The following KCTD8 variants were observed in gnomAD, a reference collection of about 807,000 sequenced individuals.
KCTD8 encodes potassium channel tetramerization domain containing 8.
Under a neutral mutation model 31.5 loss-of-function variants are expected in KCTD8, and 27 were observed. That is an observed-to-expected ratio of 0.86 (90% CI 0.63 to 1.18). The LOEUF is 1.18. Ranked by LOEUF, KCTD8 falls within the 50% of genes most tolerant of loss-of-function variation. The pLI, the probability that KCTD8 is intolerant of heterozygous loss-of-function variation, is 0.00. For synonymous variants in KCTD8, 290 were observed against 280.0 expected (o/e 1.04, Z -0.36); for missense variants, 658 against 647.7 (o/e 1.02, Z -0.17).
At chr4:44,196,303 T>C (rs1444050785) in intron 1 of KCTD8, among the ~76,000 whole-genome samples, 2 of 152,242 alleles carry the variant, frequency 1.3e-5, no homozygotes, top group Non-Finnish European at 2.9e-5. Flanking sequence ...TTTAGTAGAA[T>C]GTACACATAT....
intron 1 of KCTD8, among the ~76,000 whole-genome samples, chr4:44,338,915 T>A (rs967348728): frequency 6.6e-5 from 10 of 151,946 alleles, no homozygotes; most frequent in African/African-American, 2.2e-4. Flanking sequence ...CACATGAAAA[T>A]AAGTATATAG....
At chr4:44,214,311 C>T (rs954374090) in intron 1 of KCTD8, among the ~76,000 whole-genome samples, 1 of 152,152 alleles carries the variant, frequency 6.6e-6, no homozygotes, top group Non-Finnish European at 1.5e-5. Context: ...TGTTTCTCCC[C>T]TACACATGTA....
At chr4:44,225,782 T>C (rs1714939522) in intron 1 of KCTD8, among the ~76,000 whole-genome samples, 1 of 151,368 alleles carries the variant, frequency 6.6e-6, no homozygotes, top group African/African-American at 2.4e-5. Context: ...GGTGGTTTGC[T>C]GCACCTATCA....
intron 1 of KCTD8, among the ~76,000 whole-genome samples, chr4:44,319,817 T>A (rs1381754965): frequency 6.6e-6 from 1 of 152,148 alleles, no homozygotes; most frequent in Non-Finnish European, 1.5e-5. Flanking sequence ...GAAAGCCTTA[T>A]GTTTTTTGAA....
intron 1 of KCTD8, among the ~76,000 whole-genome samples, chr4:44,271,278 C>T (rs1221496773): frequency 6.6e-6 from 1 of 152,082 alleles, no homozygotes. Context: ...TACAAATCCT[C>T]TAGAAGGTAT....
intron 1 of KCTD8, among the ~76,000 whole-genome samples, chr4:44,332,017 A>G (rs1395833922): frequency 6.6e-6 from 1 of 151,840 alleles, no homozygotes; most frequent in Non-Finnish European, 1.5e-5. Flanking sequence ...CACACTACAG[A>G]AACTAGTAGA....
intron 1 of KCTD8, among the ~76,000 whole-genome samples, chr4:44,258,774 T>C (rs1716068167): frequency 6.6e-6 from 1 of 152,016 alleles, no homozygotes; most frequent in South Asian, 2.1e-4. Context: ...TATATTAACA[T>C]ATGAGTCAAG....
rs530889072 is a variant in KCTD8, at chr4:44,338,362, T to C, written c.961+109201A>G. ...AAGATGTCAGAACAGCATTGAAATA[T>C]ACCTAAGAGAAAGGTAAGTGAAGGT... On this transcript the variant is annotated intron_variant, in intron 1 of 1. Transcript: ENST00000360029. Among the ~76,000 whole-genome samples the C allele has an allele frequency of 3.9e-5, 6 of 152,296 alleles. No homozygotes were observed. In the South Asian group the frequency reaches 1.2e-3, roughly 32 times the overall value.
rs370980244 is a variant in KCTD8, at chr4:44,440,222, C to T, written c.961+7341G>A. On this transcript the variant is annotated intron_variant, in intron 1 of 1. Coordinates refer to ENST00000360029, the MANE Select transcript of KCTD8 (RefSeq NM_198353.3). ...TGCTTGGATTACAGGCGTGAGCCAC[C>T]GCACCCAGCTTCCACCAATAATTTA... 6.6e-5 allele frequency among the ~76,000 whole-genome samples: 10 copies of T among 152,190 alleles called. No homozygotes were observed. The South Asian group carries it at 1.9e-3, about 28-fold the overall frequency.
At chr4:44,385,697 C>T (rs528116729) in intron 1 of KCTD8, among the ~76,000 whole-genome samples, 4 of 151,452 alleles carry the variant, frequency 2.6e-5, no homozygotes, top group Admixed American at 6.6e-5. Context: ...ATAGATAAGC[C>T]GCATTATTAT....
rs572224554 is a variant in KCTD8 at position 44,272,638 on chromosome 4, T to C, written c.962-97388A>G. On this transcript the variant is annotated intron_variant, in intron 1 of 1. Coordinates refer to ENST00000360029, the MANE Select transcript of KCTD8 (RefSeq NM_198353.3). ...CCGTGGAGTAGGTGCATGTAGATTG[T>C]ATTAATGGTAACAGAGGTTATTGAA... 1.8e-4 allele frequency among the ~76,000 whole-genome samples: 27 copies of C among 152,228 alleles called. 1 individual carries two copies. In the South Asian group the frequency reaches 3.1e-3, roughly 18 times the overall value.
In KCTD8 at chr4:44,309,766, G is replaced by C. The variant is rs139958877; in HGVS notation, c.962-134516C>G. 3.1e-3 allele frequency among the ~76,000 whole-genome samples: 467 copies of C among 152,132 alleles called. 1 individual carries two copies. Among genetic ancestry groups the C allele is most frequent in the African/African-American group, 0.011 (444 of 41,522 alleles). On this transcript the variant is annotated intron_variant, in intron 1 of 1. Coordinates refer to ENST00000360029, the MANE Select transcript of KCTD8 (RefSeq NM_198353.3). ...AAATATTTTTGAGAATTTTGGAAGAGGAAAATGACAAAAGGATAATGAGTC... is the reference window on the plus strand; with the variant it reads ...AAATATTTTTGAGAATTTTGGAAGACGAAAATGACAAAAGGATAATGAGTC...
At chr4:44,424,383 G>A (rs974738592) in intron 1 of KCTD8, among the ~76,000 whole-genome samples, 2 of 151,988 alleles carry the variant, frequency 1.3e-5, no homozygotes, top group Admixed American at 1.3e-4. Context: ...CAGTTAGATA[G>A]ACCATCATAT....
At position 44,314,559 on chromosome 4, in the gene KCTD8, C is replaced by A. The variant is rs141571639; in HGVS notation, c.961+133004G>T. Among the ~76,000 whole-genome samples the A allele has an allele frequency of 3.5e-4, 54 of 152,160 alleles. No individual in the cohort carries two copies. The East Asian group carries it at 9.3e-3, about 26-fold the overall frequency. On this transcript the variant is annotated intron_variant, in intron 1 of 1. Coordinates refer to ENST00000360029, the MANE Select transcript of KCTD8 (RefSeq NM_198353.3). The stretch of plus-strand genomic sequence containing the variant: ...GTGCATTAAGAATGAATAATGTTTC[C>A]TCTGCCTGACACAATCTAAATCACA...
rs1717045479 is a variant in KCTD8 at position 44,285,719 on chromosome 4, A to G, written c.962-110469T>C. ...TGTTGTTTTCCCGCCTGCTAACACA[A>G]CATCTATTCTGTAGCCCATAGATCA... On this transcript the variant is annotated intron_variant, in intron 1 of 1. Transcript: ENST00000360029. 2.0e-5 allele frequency among the ~76,000 whole-genome samples: 3 copies of G among 152,260 alleles called. No individual in the cohort carries two copies. The South Asian group carries it at 6.2e-4, about 32-fold the overall frequency.
chr4:44,316,749 G>GACCATCC (rs1310062228), intron 1 of KCTD8, among the ~76,000 whole-genome samples: 1 of 124,508 alleles, frequency 8.0e-6, no homozygotes, highest in African/African-American at 3.0e-5. Flanking sequence ...AGGAGATCGA[G>GACCATCC]ACCATCCTGG....
chr4:44,176,860 C>CATCTATCTATCTATCT (rs58202328), intron 1 of KCTD8, among the ~76,000 whole-genome samples: 30,066 of 148,250 alleles, frequency 0.2, 3,237 homozygotes, highest in East Asian at 0.33. Context: ...TATATGTCTA[C>CATCTATCTATCTATCT]ATCTATCTAT....
rs531749688 is a variant in KCTD8, at chr4:44,445,671, C to A, written c.961+1892G>T. ...CATCTTTCTAGAGGAATAAGAAAAA[C>A]CAAAACCAAGTAAGATTTTCAAAAT... On this transcript the variant is annotated intron_variant, in intron 1 of 1. Coordinates refer to ENST00000360029, the MANE Select transcript of KCTD8 (RefSeq NM_198353.3). Among the ~76,000 whole-genome samples the A allele has an allele frequency of 2.6e-5, 4 of 152,138 alleles. No homozygotes were observed. The East Asian group carries it at 5.8e-4, about 22-fold the overall frequency.
rs1714369029 is a variant in KCTD8, at chr4:44,208,046, A to G, written c.962-32796T>C. Among the ~76,000 whole-genome samples, 3 of 152,164 alleles carry G rather than the reference A, an allele frequency of 2.0e-5. No individual in the cohort carries two copies. In the South Asian group the frequency reaches 6.2e-4, roughly 32 times the overall value. ...AGCTCAAGAGAGAAGTGCTGAAGAAATTCCAGGAGATTGTGATAGGCTAAG... is the reference window on the plus strand; with the variant it reads ...AGCTCAAGAGAGAAGTGCTGAAGAAGTTCCAGGAGATTGTGATAGGCTAAG... On this transcript the variant is annotated intron_variant, in intron 1 of 1. Transcript: ENST00000360029.
Sources: gnomAD v4.1 joint callset for allele counts (sites outside exome capture counted in the v4.1 genomes callset) on GRCh38, gnomAD v4.1.1 for gene constraint, MANE v1.5 for transcripts, NCBI Gene and HGNC (gene_info 2026-07-23, HGNC 2026-07-21) for gene names.